The following DDO variants were observed in gnomAD, a reference collection of about 807,000 sequenced individuals.
DDO encodes D-aspartate oxidase, also known as D-aspartate oxidase, DDO.
In DDO, 16 loss-of-function variants were observed where a neutral mutation model predicts 16.8. The ratio of observed to expected loss-of-function variants is 0.95; its 90% CI spans 0.65 to 1.45. The LOEUF (loss-of-function observed/expected upper bound fraction) is 1.45, where lower values mean the gene tolerates loss of function less well. Ranked by LOEUF, DDO falls within the 40% of genes most tolerant of loss-of-function variation. The probability of loss-of-function intolerance (pLI) is 0.00; values close to 1 mark genes in which losing one functional copy is unlikely to be tolerated. For missense variants in DDO, 429 were observed against 420.3 expected, an observed-to-expected ratio of 1.02 and a Z score of -0.18; for synonymous variants, 180 against 167.2, an observed-to-expected ratio of 1.08 and a Z score of -0.59.
rs1306789065 is a variant in DDO, at chr6:110,393,102, T to A, written c.699A>T (p.Leu233=). 1 of 1,613,788 alleles carries A rather than the reference T, an allele frequency of 6.2e-7. No individual in the cohort carries two copies. The highest frequency in any genetic ancestry group is 1.3e-5 in the African/African-American group (1 of 74,932). ...YIYPGTSHVT[L]GGTRQKGDWN... ...AGTCCCCTTTTTGCCTAGTTCCACC[T>A]AGGGTTACATGGGATGTACCAGGAT... is the stretch of plus-strand genomic sequence containing the variant. Residue 233 remains leucine (L), a synonymous_variant, in exon 5 of 5, where the codon CTA becomes CTT. Transcript: ENST00000368924.
In DDO at chr6:110,393,308, G is replaced by T; in HGVS notation, c.493C>A (p.Arg165=). 6.2e-7 allele frequency: 1 copy of T among 1,607,914 alleles called. No individual in the cohort carries two copies. Among genetic ancestry groups the T allele is most frequent in the African/African-American group, 1.3e-5 (1 of 74,936 alleles). ...KGSGGWTLTR[R]IEDLWELHPS... is the part of the protein sequence containing the mutation. ...TGAAGTTCCCACAGGTCTTCTATTC[G>T]CCGAGTGAGTGTCCAGCCTCCACTT... Residue 165 remains arginine, a synonymous_variant, in exon 5 of 5, where the codon CGA becomes AGA. Coordinates refer to ENST00000368924, the MANE Select transcript of DDO (RefSeq NM_001372108.2).
chr6:110,391,213 T>C (rs375368345), downstream of DDO, among the ~76,000 whole-genome samples: 320 of 152,310 alleles, frequency 2.1e-3, no homozygotes, highest in African/African-American at 7.5e-3. Flanking sequence ...GCTGTAGCTG[T>C]GCTAAGAGCT....
downstream of DDO, among the ~76,000 whole-genome samples, chr6:110,390,352 C>A (rs557368276): frequency 5.9e-5 from 9 of 152,198 alleles, no homozygotes; most frequent in Non-Finnish European, 8.8e-5. Context: ...ATAAAGCAGG[C>A]CTGGGCATCA....
At chr6:110,406,288 C>A (rs951933901) in intron 3 of DDO, among the ~76,000 whole-genome samples, 2 of 152,168 alleles carry the variant, frequency 1.3e-5, no homozygotes, top group African/African-American at 2.4e-5. Flanking sequence ...CACACATGCA[C>A]GCATGCATGC....
In DDO at chr6:110,393,108, T is replaced by A; in HGVS notation, c.693A>T (p.Val231=). 1 of 1,613,972 alleles carries A rather than the reference T, an allele frequency of 6.2e-7. No individual in the cohort carries two copies. Among genetic ancestry groups the A allele is most frequent in the Non-Finnish European group, 8.5e-7 (1 of 1,179,796 alleles). The change falls in exon 5 of 5, where the codon GTA becomes GTT. Residue 231 remains valine, a synonymous_variant. Coordinates refer to ENST00000368924, the MANE Select transcript of DDO (RefSeq NM_001372108.2). ...CTTTTTGCCTAGTTCCACCTAGGGT[T>A]ACATGGGATGTACCAGGATAAATAT... ...LTYIYPGTSH[V]TLGGTRQKGD...
At chr6:110,410,771 T>A (rs1036418672) in intron 2 of DDO, among the ~76,000 whole-genome samples, 3 of 152,122 alleles carry the variant, frequency 2.0e-5, no homozygotes, top group African/African-American at 4.8e-5. Context: ...GGAACTACAA[T>A]GCAAGATGTG....
In DDO at chr6:110,415,498, CA is replaced by C. The variant is rs771133839; in HGVS notation, c.-37del. 4.3e-6 allele frequency: 7 copies of C among 1,614,180 alleles called. No individual in the cohort carries two copies. Among genetic ancestry groups the C allele is most frequent in the Non-Finnish European group, 5.9e-6 (7 of 1,180,030 alleles). ...CTGAAAAAGCAGTCTTGGAAGCCAC[CA>C]AAATCTCTGGCACCAAACCTTGTTT... On this transcript the variant is annotated 5_prime_UTR_variant, in exon 1 of 5. Transcript: ENST00000368924.
chr6:110,390,171 A>C (rs147944495), downstream of DDO, among the ~76,000 whole-genome samples: 11 of 152,174 alleles, frequency 7.2e-5, no homozygotes, highest in Non-Finnish European at 1.5e-4. Flanking sequence ...ATGCCCCAAG[A>C]TGGCGAGGAA....
In DDO at chr6:110,413,438, C is replaced by A. The variant is rs763820347; in HGVS notation, c.25G>T (p.Val9Phe). MDTARIAV[V>F]GAGVVGLSTA... Reference sequence around the variant, plus strand: ...GAGAGCCCCACCACACCTGCCCCGACAACTGCAATCCGTGCTGTGTCCATG... The same window carrying A: ...GAGAGCCCCACCACACCTGCCCCGAAAACTGCAATCCGTGCTGTGTCCATG... The change falls in exon 2 of 5, where the codon GTC (valine) becomes TTC (phenylalanine). Residue 9 changes from valine to phenylalanine, a missense_variant. Transcript: ENST00000368924. The A allele has an allele frequency of 3.1e-6, 5 of 1,613,742 alleles. No individual in the cohort carries two copies. The highest frequency in any genetic ancestry group is 3.4e-6 in the Non-Finnish European group (4 of 1,180,022).
downstream of DDO, among the ~76,000 whole-genome samples, chr6:110,389,625 T>G (rs192104363): frequency 6.6e-6 from 1 of 152,334 alleles, no homozygotes; most frequent in East Asian, 1.9e-4. Flanking sequence ...GTAGGCAAGT[T>G]AACTAGAAGC....
At chr6:110,409,336 T>A (rs1773770450) in intron 2 of DDO, among the ~76,000 whole-genome samples, 1 of 152,088 alleles carries the variant, frequency 6.6e-6, no homozygotes, top group African/African-American at 2.4e-5. Context: ...TGTAGAAGGA[T>A]CATGAGAGAC....
In DDO at chr6:110,393,141, C is replaced by T. The variant is rs1176433932; in HGVS notation, c.660G>A (p.Gly220=). The part of the protein sequence containing the change: ...WVEHFIRDGS[G]LTYIYPGTSH... ...ATGTACCAGGATAAATATATGTCAG[C>T]CCACTGCCATCTCGGATAAAATGCT... The change falls in exon 5 of 5, where the codon GGG becomes GGA. Residue 220 remains glycine, a synonymous_variant. Transcript: ENST00000368924. The T allele has an allele frequency of 6.2e-7, 1 of 1,614,162 alleles. No homozygotes were observed. Among genetic ancestry groups the T allele is most frequent in the Admixed American group, 1.7e-5 (1 of 60,032 alleles).
intron 2 of DDO, among the ~76,000 whole-genome samples, chr6:110,412,663 G>GA (rs763836710): frequency 2.6e-5 from 4 of 152,232 alleles, no homozygotes; most frequent in Non-Finnish European, 5.9e-5. Context: ...CACATGCGCT[G>GA]ATGACAATCA....
rs1773147459 is a variant in DDO, at chr6:110,392,870, T to A, written c.931A>T (p.Ile311Phe). 1 of 1,614,058 alleles carries A rather than the reference T, an allele frequency of 6.2e-7. No individual in the cohort carries two copies. Among genetic ancestry groups the A allele is most frequent in the Non-Finnish European group, 8.5e-7 (1 of 1,180,040 alleles). Reference sequence around the variant, plus strand: ...AGAGCAGTGCCCCAGTGCACTGAGATGCCCCCACTCCCATGGCCATAGTGG... The same window carrying A: ...AGAGCAGTGCCCCAGTGCACTGAGAAGCCCCCACTCCCATGGCCATAGTGG... ...VHHYGHGSGG[I>F]SVHWGTALEA... Residue 311 changes from isoleucine (I) to phenylalanine (F), a missense_variant, in exon 5 of 5, where the codon ATC (isoleucine) becomes TTC (phenylalanine). Ile to Phe is a conservative substitution (Grantham distance 21). Coordinates refer to ENST00000368924, the MANE Select transcript of DDO (RefSeq NM_001372108.2).
chr6:110,399,532 G>A (rs978876675), intron 4 of DDO, among the ~76,000 whole-genome samples: 2 of 152,142 alleles, frequency 1.3e-5, no homozygotes, highest in Non-Finnish European at 2.9e-5. Flanking sequence ...TCACCGGGAC[G>A]CGGCCCTCCC....
At chr6:110,401,690 T>C (rs1305809242) in intron 4 of DDO, among the ~76,000 whole-genome samples, 1 of 152,212 alleles carries the variant, frequency 6.6e-6, no homozygotes, top group Non-Finnish European at 1.5e-5. Flanking sequence ...GATGGAGTTA[T>C]AAAATGATCA....
intron 3 of DDO, among the ~76,000 whole-genome samples, chr6:110,405,195 C>T (rs1379348012): frequency 1.3e-5 from 2 of 152,194 alleles, no homozygotes; most frequent in South Asian, 2.1e-4. Flanking sequence ...TGCTACCACA[C>T]CTGACTAATT....
intron 4 of DDO, among the ~76,000 whole-genome samples, chr6:110,396,213 A>C (rs1284275692): frequency 6.6e-6 from 1 of 152,254 alleles, no homozygotes; most frequent in Admixed American, 6.5e-5. Context: ...ACTGAAGGTC[A>C]AGCTGCTGGG....
downstream of DDO, among the ~76,000 whole-genome samples, chr6:110,390,935 C>T (rs1456593283): frequency 1.3e-5 from 2 of 152,164 alleles, no homozygotes; most frequent in Admixed American, 6.5e-5. Flanking sequence ...AAAAGAAGCA[C>T]GCACACTCTA....
Sources: allele counts gnomAD v4.1 joint callset (sites outside exome capture counted in the v4.1 genomes callset), GRCh38; gene constraint gnomAD v4.1.1; transcripts MANE v1.5; gene names NCBI Gene and HGNC (gene_info 2026-07-23, HGNC 2026-07-21).